The following MEGF10 variants were observed in gnomAD, a reference collection of about 807,000 sequenced individuals.
MEGF10 encodes multiple EGF like domains 10.
Under a neutral mutation model 147.5 loss-of-function variants are expected in MEGF10, and 86 were observed. That is an observed-to-expected ratio of 0.58 (90% CI 0.49 to 0.70). The LOEUF is 0.70. Ranked by LOEUF, MEGF10 falls within the 30% of genes least tolerant of loss-of-function variation. The probability of loss-of-function intolerance (pLI) is 0.00; values close to 1 mark genes in which losing one functional copy is unlikely to be tolerated. For missense variants in MEGF10, 1,329 were observed against 1,487.3 expected (o/e 0.89, Z 1.75); for synonymous variants, 478 against 525.5 (o/e 0.91, Z 1.24).
chr5:127,370,176 A>T (rs974869280), intron 5 of MEGF10, among the ~76,000 whole-genome samples, 174 bp downstream of exon 5: 8 of 152,206 alleles, frequency 5.3e-5, no homozygotes, highest in African/African-American at 1.9e-4. Context: ...GTACATATAC[A>T]TTATTCGTTA....
chr5:127,447,475 C>G lies in MEGF10; in HGVS notation c.2729-82C>G, dbSNP rs565219361. On this transcript the variant is annotated intron_variant, in intron 20 of 24. Transcript: ENST00000503335. ...TACAGGCGTGAGCCACCTCGCTGGG[C>G]CTGTTTTGTTATTTTGATTCCCTTT... The G allele has an allele frequency of 2.0e-4, 317 of 1,587,102 alleles. 1 individual carries two copies. In the African/African-American group the frequency reaches 3.9e-3, roughly 20 times the overall value.
chr5:127,238,245 G>T, the MEGF10 span, among the ~76,000 whole-genome samples: 1 of 151,840 alleles, frequency 6.6e-6, no homozygotes, highest in East Asian at 1.9e-4. Flanking sequence ...TAGTAGAGAC[G>T]GGGCTTTGCC....
At chr5:127,279,593 G>A in the MEGF10 span, among the ~76,000 whole-genome samples, 5,180 of 152,020 alleles carry the variant, frequency 0.034, 238 homozygotes, top group African/African-American at 0.11. Context: ...TCCTCCCACC[G>A]CAGAAAACTC....
chr5:127,417,393 G>A (rs1382224970), intron 9 of MEGF10, among the ~76,000 whole-genome samples: 1 of 152,240 alleles, frequency 6.6e-6, no homozygotes. Flanking sequence ...TCAGACAAAA[G>A]GATGTGGTTG....
At chr5:127,294,579 A>T (rs1759409004) in intron 1 of MEGF10, among the ~76,000 whole-genome samples, 1 of 152,096 alleles carries the variant, frequency 6.6e-6, no homozygotes, top group Non-Finnish European at 1.5e-5. Context: ...TGGGAAGATC[A>T]CTTGAGGCCA....
At chr5:127,449,273 T>A in intron 22 of MEGF10, 51 bp downstream of exon 22, 4 of 1,600,838 alleles carry the variant, frequency 2.5e-6, no homozygotes, top group Non-Finnish European at 3.4e-6. Context: ...TGTCAGTCCC[T>A]GAAACAGTCA....
At chr5:127,351,161 G>T (rs1762073643) in intron 4 of MEGF10, among the ~76,000 whole-genome samples, 1 of 152,048 alleles carries the variant, frequency 6.6e-6, no homozygotes, top group African/African-American at 2.4e-5. Flanking sequence ...ATTTTTTGTT[G>T]TATATATTTT....
chr5:127,430,858 G>T (rs763154076), intron 13 of MEGF10, among the ~76,000 whole-genome samples: 12 of 152,204 alleles, frequency 7.9e-5, no homozygotes, highest in Non-Finnish European at 1.3e-4. Context: ...TGATGACAGA[G>T]TAAATAAAAG....
intron 13 of MEGF10, chr5:127,424,452 AT>A: frequency 8.3e-7 from 1 of 1,205,872 alleles, no homozygotes; most frequent in South Asian, 1.4e-5. Flanking sequence ...CTATAGATCA[AT>A]TTGGGGAATA....
chr5:127,322,750 G>T (rs1464795015), intron 1 of MEGF10, among the ~76,000 whole-genome samples: 1 of 152,126 alleles, frequency 6.6e-6, no homozygotes, highest in African/African-American at 2.4e-5. Flanking sequence ...TTTGAATTAG[G>T]TCTATGGATT....
At position 127,410,517 on chromosome 5, in the gene MEGF10, G is replaced by C; in HGVS notation, c.1046G>C (p.Arg349Pro). The change falls in exon 9 of 25, where the codon CGC becomes CCC. Residue 349 changes from arginine to proline, a missense_variant. Physicochemically the swap from Arg to Pro is moderately radical, Grantham distance 103. Coordinates refer to ENST00000503335, the MANE Select transcript of MEGF10 (RefSeq NM_001256545.2). Reference sequence around the variant, plus strand: ...TGTGAAGCAGGCTTTGCTGGCGAGCGCTGCGAAGCACGCCTGTGTCCTGAG... The same window carrying C: ...TGTGAAGCAGGCTTTGCTGGCGAGCCCTGCGAAGCACGCCTGTGTCCTGAG... ...CLCEAGFAGE[R>P]CEARLCPEGL... 8 of 1,613,842 alleles carry C rather than the reference G, an allele frequency of 5.0e-6. No individual in the cohort carries two copies. Among genetic ancestry groups the C allele is most frequent in the Non-Finnish European group, 6.8e-6 (8 of 1,180,026 alleles).
At chr5:127,359,630 G>A (rs1361652743) in intron 4 of MEGF10, among the ~76,000 whole-genome samples, 1 of 152,092 alleles carries the variant, frequency 6.6e-6, no homozygotes, top group East Asian at 1.9e-4. Flanking sequence ...GACTCATAGA[G>A]TATTCTCGCT....
At chr5:127,360,187 T>G (rs990796365) in intron 4 of MEGF10, among the ~76,000 whole-genome samples, 3 of 152,082 alleles carry the variant, frequency 2.0e-5, no homozygotes, top group Admixed American at 2.0e-4. Flanking sequence ...AACAATGTTG[T>G]TTGTTTTTAG....
At chr5:127,324,995 G>A (rs1176201193) in intron 1 of MEGF10, among the ~76,000 whole-genome samples, 2 of 152,152 alleles carry the variant, frequency 1.3e-5, no homozygotes, top group Non-Finnish European at 1.5e-5. Context: ...AGGCCTGTTC[G>A]TATATCTGCT....
At chr5:127,443,655 A>G (rs376308165) in intron 19 of MEGF10, among the ~76,000 whole-genome samples, 7 of 151,954 alleles carry the variant, frequency 4.6e-5, no homozygotes, top group African/African-American at 1.7e-4. Context: ...ATTAGTTTTC[A>G]TTTTCTAGAA....
chr5:127,322,089 A>T (rs1760809427), intron 1 of MEGF10, among the ~76,000 whole-genome samples: 1 of 144,782 alleles, frequency 6.9e-6, no homozygotes, highest in Admixed American at 6.9e-5. Flanking sequence ...AAAAAAAAAT[A>T]ATAATGCTTT....
chr5:127,321,788 G>A (rs920620248), intron 1 of MEGF10, among the ~76,000 whole-genome samples: 2 of 152,060 alleles, frequency 1.3e-5, no homozygotes, highest in African/African-American at 4.8e-5. Context: ...GGATCTTCCC[G>A]AGAGAGGGAC....
At chr5:127,407,211 G>A (rs537056416) in intron 8 of MEGF10, among the ~76,000 whole-genome samples, 13 of 152,216 alleles carry the variant, frequency 8.5e-5, no homozygotes, top group African/African-American at 2.2e-4. Flanking sequence ...CAGCAGTTCC[G>A]GATGTTAGAA....
intron 23 of MEGF10, 124 bp downstream of exon 23, chr5:127,454,734 G>A (rs1318755804): frequency 1.3e-6 from 1 of 794,214 alleles, no homozygotes; most frequent in Admixed American, 2.9e-5. Flanking sequence ...AGTGTGGTCA[G>A]TTACTACAGC....
Sources: allele counts gnomAD v4.1 joint callset (sites outside exome capture counted in the v4.1 genomes callset), GRCh38; gene constraint gnomAD v4.1.1; transcripts MANE v1.5; gene names NCBI Gene and HGNC (gene_info 2026-07-23, HGNC 2026-07-21).